Variants in WDR12 observed in about 807,000 individuals in gnomAD.
The protein encoded by WDR12 is ribosome biogenesis protein WDR12.
Under a neutral mutation model 64.3 loss-of-function variants are expected in WDR12, and 42 were observed. That is an observed-to-expected ratio of 0.65 (90% CI 0.51 to 0.84). The LOEUF (loss-of-function observed/expected upper bound fraction) is 0.84. Among genes scored for constraint, WDR12 ranks in the 40% least tolerant of loss-of-function variants. WDR12 has a pLI of 0.00. For synonymous variants in WDR12, 158 were observed against 173.3 expected, an observed-to-expected ratio of 0.91 and a Z score of 0.70; for missense variants, 469 against 494.6, an observed-to-expected ratio of 0.95 and a Z score of 0.49.
At chr2:202,888,912 G>A (rs149406342) in intron 8 of WDR12, among the ~76,000 whole-genome samples, 3,094 of 152,128 alleles carry the variant, frequency 0.02, 57 homozygotes, top group Middle Eastern at 0.058. Context: ...GTCTTGCTAT[G>A]TTGCCCAGGC....
chr2:202,908,226 C>T (rs141844488), intron 1 of WDR12, among the ~76,000 whole-genome samples: 283 of 152,176 alleles, frequency 1.9e-3, no homozygotes, highest in Middle Eastern at 3.4e-3. Flanking sequence ...TCATTTTAAC[C>T]ACAGAAAAGG....
At chr2:202,885,119 AG>A (rs1688023150) in intron 8 of WDR12, among the ~76,000 whole-genome samples, 2 of 152,222 alleles carry the variant, frequency 1.3e-5, no homozygotes, top group South Asian at 4.1e-4. Flanking sequence ...AAGTGACCCC[AG>A]GGTACAAAAA....
intron 6 of WDR12, among the ~76,000 whole-genome samples, chr2:202,895,517 CTTTTTTT>C (rs901435872): frequency 9.0e-6 from 1 of 111,540 alleles, no homozygotes; most frequent in Non-Finnish European, 1.9e-5. Context: ...TCATTTCTTT[CTTTTTTT>C]TTTTTTTTTT....
chr2:202,897,180 T>G, intron 5 of WDR12, 120 bp downstream of exon 5: 1 of 596,030 alleles, frequency 1.7e-6, no homozygotes, highest in Middle Eastern at 2.6e-4. Flanking sequence ...TTGAAAGACC[T>G]CATAATAACT....
chr2:202,895,683 C>T (rs1471870590), intron 6 of WDR12, among the ~76,000 whole-genome samples: 6 of 118,666 alleles, frequency 5.1e-5, no homozygotes, highest in South Asian at 3.4e-4. Flanking sequence ...CCACCATGCC[C>T]GGCTTATTTT....
chr2:202,905,587 T>C (rs1344841302), intron 2 of WDR12, among the ~76,000 whole-genome samples: 2 of 152,144 alleles, frequency 1.3e-5, no homozygotes, highest in Non-Finnish European at 2.9e-5. Context: ...AAACTAAAAA[T>C]AGAGCTACCA....
At chr2:202,910,091 C>G (rs542706914) in intron 1 of WDR12, among the ~76,000 whole-genome samples, 1 of 152,132 alleles carries the variant, frequency 6.6e-6, no homozygotes, top group African/African-American at 2.4e-5. Flanking sequence ...CCACAGCACT[C>G]GGCAAAGAAT....
Position 202,901,070 on chromosome 2 carries a change from C to T in WDR12, c.186G>A (p.Leu62=). The change falls in exon 3 of 13, where the codon CTG becomes CTA. Residue 62 remains leucine (L), a synonymous_variant. Transcript: ENST00000261015. The stretch of plus-strand genomic sequence containing the variant: ...CCATGTGTTTGTCCAAGGGCATTCG[C>T]AGAAACTGGCCCTTAATAAGGAAAT... ...EFDFLIKGQF[L]RMPLDKHMEM... The T allele has an allele frequency of 6.2e-7, 1 of 1,600,468 alleles. No homozygotes were observed. Among genetic ancestry groups the T allele is most frequent in the Non-Finnish European group, 8.5e-7 (1 of 1,170,664 alleles).
rs981735560 is a variant in WDR12 at position 202,876,744 on chromosome 2, T to G, written c.*4116A>C. ...TGAGGCCAAGAGTTCATAACCAGCC[T>G]GGGCAACACAGCAAGACTGTCTCCA... On this transcript the variant is annotated 3_prime_UTR_variant, in exon 13 of 13. Transcript: ENST00000261015. The G allele has an allele frequency of 2.6e-5, 4 of 152,212 alleles. No homozygotes were observed. The highest frequency in any genetic ancestry group is 9.6e-5 in the African/African-American group (4 of 41,452). The allele number at this position is 152,212 out of a possible 1,614,324, so 9.4% of individuals were successfully genotyped here. A position where few individuals can be genotyped will look rare whatever the true frequency, so the allele number is the denominator to read the frequency against.
In WDR12 at chr2:202,880,929, C is replaced by A; in HGVS notation, c.1203G>T (p.Leu401=). 6.2e-7 allele frequency: 1 copy of A among 1,606,714 alleles called. No homozygotes were observed. The change falls in exon 13 of 13, where the codon CTG becomes CTT. Residue 401 remains leucine, a synonymous_variant. Transcript: ENST00000261015. ...ACAATTTATTGTCTGCTCCTCCACTCAGAAGTAGCTGTGTAAAAGGAGAGA... is the reference window on the plus strand; with the variant it reads ...ACAATTTATTGTCTGCTCCTCCACTAAGAAGTAGCTGTGTAAAAGGAGAGA... ...SVDWTDTGLL[L]SGGADNKLYS...
chr2:202,885,811 A>G (rs959947042), intron 8 of WDR12, among the ~76,000 whole-genome samples: 1 of 152,162 alleles, frequency 6.6e-6, no homozygotes, highest in Non-Finnish European at 1.5e-5. Context: ...TGTAGTCTCA[A>G]CGCTTTGGGA....
chr2:202,910,782 C>T (rs573258559), intron 1 of WDR12, among the ~76,000 whole-genome samples: 30 of 152,276 alleles, frequency 2.0e-4, no homozygotes, highest in African/African-American at 7.2e-4. Context: ...CATAAAGCTA[C>T]AAACAAAACC....
In WDR12 at chr2:202,875,341, T is replaced by C. The variant is rs1687841245; in HGVS notation, c.*5519A>G. 6.6e-6 allele frequency: 1 copy of C among 151,980 alleles called. No individual in the cohort carries two copies. Among genetic ancestry groups the C allele is most frequent in the African/African-American group, 2.4e-5 (1 of 41,392 alleles). 9.4% of individuals were successfully genotyped at this position (151,980 alleles called of 1,614,324 possible). On this transcript the variant is annotated 3_prime_UTR_variant, in exon 13 of 13. Transcript: ENST00000261015. ...CAAAAAAATGCAAAGCTGAACATAT[T>C]ATTGTAATTTAGTACCCACAAATGT... is the stretch of plus-strand genomic sequence containing the variant.
chr2:202,895,536 T>C (rs1040772743), intron 6 of WDR12, among the ~76,000 whole-genome samples: 2 of 149,588 alleles, frequency 1.3e-5, no homozygotes, highest in Admixed American at 6.7e-5. Flanking sequence ...TTTTTTTTTT[T>C]TTGAGACTGA....
chr2:202,890,560 G>A (rs1043845302), intron 8 of WDR12, among the ~76,000 whole-genome samples: 5 of 151,774 alleles, frequency 3.3e-5, no homozygotes, highest in African/African-American at 9.7e-5. Flanking sequence ...ACGAGGTCAG[G>A]AGATCGAGAC....
In WDR12 at chr2:202,876,024, GA is replaced by G. The variant is rs1464463837; in HGVS notation, c.*4835del. 1 of 152,168 alleles carries G rather than the reference GA, an allele frequency of 6.6e-6. No individual in the cohort carries two copies. Among genetic ancestry groups the G allele is most frequent in the Non-Finnish European group, 1.5e-5 (1 of 68,038 alleles). The allele number at this position is 152,168 out of a possible 1,614,324, so 9.4% of individuals were successfully genotyped here. The stretch of plus-strand genomic sequence containing the variant: ...CTGCAAATCATTGGAACTGCTATTA[GA>G]ACAACCATTAGGTTTAATTCTGTAA... On this transcript the variant is annotated 3_prime_UTR_variant, in exon 13 of 13. Coordinates refer to ENST00000261015, the MANE Select transcript of WDR12 (RefSeq NM_018256.4).
At chr2:202,881,346 G>A (rs1050937257) in intron 12 of WDR12, among the ~76,000 whole-genome samples, 3 of 152,146 alleles carry the variant, frequency 2.0e-5, no homozygotes, top group Non-Finnish European at 4.4e-5. Context: ...AAGAGCTTAC[G>A]TATATACATA....
intron 2 of WDR12, among the ~76,000 whole-genome samples, chr2:202,906,161 A>G (rs1688453658): frequency 1.3e-5 from 2 of 152,224 alleles, no homozygotes; most frequent in Admixed American, 1.3e-4. Flanking sequence ...CGTACCTACA[A>G]AAATTAAAAA....
intron 7 of WDR12, among the ~76,000 whole-genome samples, chr2:202,893,658 CAG>C (rs1180644093): frequency 2.0e-5 from 3 of 152,096 alleles, no homozygotes; most frequent in Admixed American, 1.3e-4. Context: ...TAAAAAGTAA[CAG>C]AGGTATTCTG....
Sources: gnomAD v4.1 joint callset for allele counts (sites outside exome capture counted in the v4.1 genomes callset) on GRCh38, gnomAD v4.1.1 for gene constraint, MANE v1.5 for transcripts, NCBI Gene and HGNC (gene_info 2026-07-23, HGNC 2026-07-21) for gene names.